ADARB2: variants seen among roughly 807,000 people sequenced by gnomAD.
ADARB2 encodes the protein adenosine deaminase RNA specific B2 (inactive).
Under a neutral mutation model 62.2 loss-of-function variants are expected in ADARB2, and 25 were observed. The observed-to-expected ratio is 0.40, with a 90% CI of 0.29 to 0.56. The LOEUF is 0.56. Ranked by LOEUF, ADARB2 falls within the 20% of genes least tolerant of loss-of-function variation. The probability of loss-of-function intolerance (pLI) is 0.43; values close to 1 mark genes in which losing one functional copy is unlikely to be tolerated. For synonymous variants in ADARB2, 572 were observed against 500.8 expected, an observed-to-expected ratio of 1.14 and a Z score of -1.90; for missense variants, 1,071 against 1,077.4, an observed-to-expected ratio of 0.99 and a Z score of 0.08.
intron 1 of ADARB2, among the ~76,000 whole-genome samples, chr10:1,629,094 G>T (rs918283805): frequency 6.6e-6 from 1 of 152,198 alleles, no homozygotes; most frequent in Non-Finnish European, 1.5e-5. Context: ...TGTTCGCCAG[G>T]GTGTCCCCTA....
intron 3 of ADARB2, among the ~76,000 whole-genome samples, chr10:1,281,095 C>T (rs1831366914): frequency 6.6e-6 from 1 of 152,236 alleles, no homozygotes; most frequent in Admixed American, 6.5e-5. Flanking sequence ...TGCATGAAAT[C>T]TTACAACTTA....
At chr10:1,625,518 C>T (rs1294535023) in intron 1 of ADARB2, among the ~76,000 whole-genome samples, 1 of 152,056 alleles carries the variant, frequency 6.6e-6, no homozygotes, top group Non-Finnish European at 1.5e-5. Flanking sequence ...GAAAAACAGG[C>T]CTCTGGAGGT....
At chr10:1,674,839 C>T (rs939670818) in intron 1 of ADARB2, among the ~76,000 whole-genome samples, 2 of 151,610 alleles carry the variant, frequency 1.3e-5, no homozygotes, top group African/African-American at 4.8e-5. Flanking sequence ...CTGCTGTCTG[C>T]AAGATTTCAG....
chr10:1,535,662 G>C (rs1435449882), intron 1 of ADARB2: 1 of 167,342 alleles, frequency 6.0e-6, no homozygotes, highest in Non-Finnish European at 1.5e-5. Context: ...AGGGACGCAT[G>C]CCTCATCTGC....
intron 1 of ADARB2, among the ~76,000 whole-genome samples, chr10:1,483,038 T>C (rs1237982544): frequency 6.6e-6 from 1 of 152,232 alleles, no homozygotes; most frequent in Non-Finnish European, 1.5e-5. Flanking sequence ...TTTTATTTCA[T>C]TTCCTGTTTA....
At chr10:1,256,277 C>G (rs1831078787) in intron 4 of ADARB2, among the ~76,000 whole-genome samples, 1 of 152,214 alleles carries the variant, frequency 6.6e-6, no homozygotes, top group South Asian at 2.1e-4. Context: ...ACTTCCTGCA[C>G]AGCTGAGTGG....
intron 1 of ADARB2, among the ~76,000 whole-genome samples, chr10:1,482,683 CA>C (rs1831488720): frequency 6.6e-6 from 1 of 152,132 alleles, no homozygotes; most frequent in Non-Finnish European, 1.5e-5. Flanking sequence ...TATTTTACCA[CA>C]AAAAAGATGA....
Position 1,561,237 on chromosome 10 carries a change from G to C in ADARB2, c.100+175814C>G, listed in dbSNP as rs368630732. Among the ~76,000 whole-genome samples, 16 of 152,214 alleles carry C rather than the reference G, an allele frequency of 1.1e-4. No individual in the cohort carries two copies. The South Asian group carries it at 2.5e-3, about 24-fold the overall frequency. On this transcript the variant is annotated intron_variant, in intron 1 of 9. Coordinates refer to ENST00000381312, the MANE Select transcript of ADARB2 (RefSeq NM_018702.4). Reference sequence around the variant, plus strand: ...GTCACTGGCAGCCCCTCTCTCTCCAGACCTGCCCAGCTCTGAGTGTGTAAT... The same window carrying C: ...GTCACTGGCAGCCCCTCTCTCTCCACACCTGCCCAGCTCTGAGTGTGTAAT...
intron 1 of ADARB2, among the ~76,000 whole-genome samples, chr10:1,507,020 T>C (rs915994753): frequency 6.6e-6 from 1 of 152,198 alleles, no homozygotes; most frequent in Non-Finnish European, 1.5e-5. Flanking sequence ...TCCCAGCCTG[T>C]GGCACTCAGG....
chr10:1,272,018 G>C (rs1831267855), intron 3 of ADARB2, among the ~76,000 whole-genome samples: 1 of 152,196 alleles, frequency 6.6e-6, no homozygotes, highest in South Asian at 2.1e-4. Flanking sequence ...ATGCAATACG[G>C]TGTCTTAAGT....
intron 1 of ADARB2, among the ~76,000 whole-genome samples, chr10:1,732,225 A>T (rs1195716388): frequency 6.6e-6 from 1 of 151,034 alleles, no homozygotes; most frequent in Non-Finnish European, 1.5e-5. Context: ...TATAATATGT[A>T]TGTGTGTATA....
intron 3 of ADARB2, among the ~76,000 whole-genome samples, chr10:1,337,294 C>T (rs999924976): frequency 3.9e-5 from 6 of 152,138 alleles, no homozygotes; most frequent in Non-Finnish European, 7.3e-5. Context: ...TAGACTCTAA[C>T]GGCAAGCTCT....
intron 3 of ADARB2, among the ~76,000 whole-genome samples, chr10:1,342,721 C>T (rs1325965809): frequency 6.6e-6 from 1 of 152,218 alleles, no homozygotes; most frequent in Admixed American, 6.5e-5. Context: ...TTTTCTGCAT[C>T]TTTGTCCACC....
chr10:1,440,186 A>G (rs1405645660), intron 1 of ADARB2, among the ~76,000 whole-genome samples: 7 of 151,056 alleles, frequency 4.6e-5, no homozygotes. Flanking sequence ...AGTCTCCCCC[A>G]GGATGGAGGC....
intron 1 of ADARB2, among the ~76,000 whole-genome samples, chr10:1,721,016 T>C (rs1465969974): frequency 6.6e-6 from 1 of 152,192 alleles, no homozygotes; most frequent in Non-Finnish European, 1.5e-5. Context: ...GGGAATTCAA[T>C]TGTGGAACTT....
At chr10:1,665,934 G>T (rs945032256) in intron 1 of ADARB2, among the ~76,000 whole-genome samples, 9 of 152,200 alleles carry the variant, frequency 5.9e-5, no homozygotes, top group African/African-American at 2.2e-4. Flanking sequence ...GACAAGGATA[G>T]CACAGCAACG....
intron 5 of ADARB2, chr10:1,240,509 C>T (rs1022335611): frequency 1.3e-5 from 2 of 152,506 alleles, no homozygotes; most frequent in South Asian, 2.1e-4. Context: ...CTTGCGGCAT[C>T]CAGCAGTCTT....
chr10:1,215,928 A>T (rs1006150686), intron 7 of ADARB2: 57 of 150,878 alleles, frequency 3.8e-4, no homozygotes, highest in African/African-American at 1.3e-3. Context: ...CCTCAGATCC[A>T]CGTTGGGGAG....
At chr10:1,443,656 A>G (rs1298435401) in intron 1 of ADARB2, among the ~76,000 whole-genome samples, 3 of 152,176 alleles carry the variant, frequency 2.0e-5, no homozygotes, top group Non-Finnish European at 4.4e-5. Flanking sequence ...TTCAGATATC[A>G]GTATGAGTTT....
Sources: allele counts gnomAD v4.1 joint callset (sites outside exome capture counted in the v4.1 genomes callset), GRCh38; gene constraint gnomAD v4.1.1; transcripts MANE v1.5; gene names NCBI Gene and HGNC (gene_info 2026-07-23, HGNC 2026-07-21).